UTRN: variants seen among roughly 807,000 people sequenced by gnomAD.
UTRN encodes the protein dystrophin-related protein 1.
A neutral mutation model predicts 463.9 loss-of-function variants in UTRN; 283 were observed. The ratio of observed to expected loss-of-function variants is 0.61; its 90% CI spans 0.55 to 0.67. UTRN has a LOEUF of 0.67. UTRN is among the 30% of genes least tolerant of loss of function. UTRN has a pLI of 0.00. For synonymous variants in UTRN, 1,442 were observed against 1,431.5 expected (o/e 1.01, Z -0.17); for missense variants, 3,922 against 4,084.3 (o/e 0.96, Z 1.08).
chr6:144,368,447 G>A (rs1252895195), intron 2 of UTRN, among the ~76,000 whole-genome samples: 1 of 152,066 alleles, frequency 6.6e-6, no homozygotes, highest in Non-Finnish European at 1.5e-5. Flanking sequence ...TTTGGCCTTA[G>A]GAAAGAGAAA....
chr6:144,347,837 G>GTTTTTTTTTTGTTTTTTT (rs1777720200), intron 2 of UTRN, among the ~76,000 whole-genome samples: 2 of 128,902 alleles, frequency 1.6e-5, no homozygotes, highest in African/African-American at 6.8e-5. Context: ...CTTATTCTTT[G>GTTTTTTTTTTGTTTTTTT]TTTTTTTTTT....
chr6:144,662,042 C>T (rs747014675), intron 51 of UTRN, among the ~76,000 whole-genome samples: 2 of 151,814 alleles, frequency 1.3e-5, no homozygotes, highest in African/African-American at 4.8e-5. Context: ...AGACAAAAGG[C>T]GAACTCAAAG....
At chr6:144,743,231 C>A (rs369215439) in intron 54 of UTRN, among the ~76,000 whole-genome samples, 2 of 151,996 alleles carry the variant, frequency 1.3e-5, no homozygotes, top group East Asian at 3.8e-4. Context: ...GGCTTTAAAA[C>A]GTAAGTGTAG....
chr6:144,384,934 T>TA (rs972771120), intron 2 of UTRN, among the ~76,000 whole-genome samples: 7 of 152,296 alleles, frequency 4.6e-5, no homozygotes, highest in Non-Finnish European at 1.0e-4. Context: ...ATATGCTTTT[T>TA]ACTCAGATCC....
At chr6:144,774,458 C>T in intron 60 of UTRN, 94 bp downstream of exon 60, 2 of 1,122,924 alleles carry the variant, frequency 1.8e-6, no homozygotes, top group African/African-American at 1.6e-5. Flanking sequence ...GGAGTGTTTG[C>T]CAAGTTAATC....
At chr6:144,491,860 A>G (rs1343550969) in intron 32 of UTRN, among the ~76,000 whole-genome samples, 2 of 152,200 alleles carry the variant, frequency 1.3e-5, no homozygotes, top group African/African-American at 2.4e-5. Flanking sequence ...GGTCTGTTAC[A>G]TGACAGCGTC....
rs188857661 is a variant in UTRN at position 144,537,139 on chromosome 6, C to T, written c.6234-443C>T. 8.5e-5 allele frequency among the ~76,000 whole-genome samples: 13 copies of T among 152,070 alleles called. No individual in the cohort carries two copies. In the East Asian group the frequency reaches 1.9e-3, roughly 23 times the overall value. On this transcript the variant is annotated intron_variant, in intron 43 of 74. Coordinates refer to ENST00000367545, the MANE Select transcript of UTRN (RefSeq NM_007124.3). ...ATGAATAAAGCAGAGTAATAGTTACCACCTAATGTGATAACATGTCATATA... is the reference window on the plus strand; with the variant it reads ...ATGAATAAAGCAGAGTAATAGTTACTACCTAATGTGATAACATGTCATATA...
chr6:144,393,085 G>GAA, intron 2 of UTRN, among the ~76,000 whole-genome samples: 1 of 152,110 alleles, frequency 6.6e-6, no homozygotes. Context: ...CTTAGAAAGA[G>GAA]AATTCTGAAG....
intron 52 of UTRN, among the ~76,000 whole-genome samples, chr6:144,678,850 G>C (rs763952487): frequency 2.6e-5 from 4 of 152,072 alleles, no homozygotes; most frequent in Non-Finnish European, 4.4e-5. Context: ...AGCAACATCT[G>C]CTAATTACTG....
chr6:144,715,683 CT>C, intron 53 of UTRN, among the ~76,000 whole-genome samples: 1 of 129,726 alleles, frequency 7.7e-6, no homozygotes, highest in African/African-American at 4.0e-5. Context: ...CTCTCTCATT[CT>C]CTCTCTCTTC....
rs755491914 is a variant in UTRN, at chr6:144,774,297, G to T, written c.8565G>T (p.Leu2855=). The stretch of plus-strand genomic sequence containing the variant: ...TTTCTTTTTCTATTTCAGCTGACCT[G>T]AATAATGTACGTTTTTCTGCCTACC... The part of the protein sequence containing the change: ...MTELFQSLAD[L]NNVRFSAYRT... Residue 2855 remains leucine (L), a synonymous_variant, in exon 60 of 75, where the codon CTG becomes CTT. Transcript: ENST00000367545. 2.5e-6 allele frequency: 4 copies of T among 1,601,904 alleles called. No homozygotes were observed. Among genetic ancestry groups the T allele is most frequent in the South Asian group, 2.3e-5 (2 of 87,618 alleles).
At chr6:144,484,939 G>C (rs997756148) in intron 27 of UTRN, among the ~76,000 whole-genome samples, 2 of 151,756 alleles carry the variant, frequency 1.3e-5, no homozygotes, top group Non-Finnish European at 1.5e-5. Context: ...ATTTGAGATG[G>C]AGTCTTGCTC....
chr6:144,326,773 A>C (rs2114596224), intron 2 of UTRN, among the ~76,000 whole-genome samples: 2 of 152,228 alleles, frequency 1.3e-5, no homozygotes, highest in South Asian at 4.2e-4. Context: ...ACGGACCCTC[A>C]CAGAATCTTA....
rs762894766 is a variant in UTRN at position 144,533,136 on chromosome 6, C to T, written c.6109C>T (p.Arg2037Ter). ...CCAGCCCAGTTTTGCAGCACTAAAC[C>T]GAACTGGGGATGGGATTGTGCAGAA... The part of the protein sequence containing the change: ...SHQPSFAALN[R>*]TGDGIVQKLS... The change falls in exon 43 of 75, where the codon CGA becomes TGA. Residue 2037 changes from arginine (R) to a stop codon, truncating the protein, a stop_gained. Transcript: ENST00000367545. LOFTEE classifies it high-confidence loss of function. The T allele has an allele frequency of 2.5e-6, 4 of 1,613,796 alleles. No individual in the cohort carries two copies. The highest frequency in any genetic ancestry group is 1.3e-5 in the African/African-American group (1 of 74,876).
At chr6:144,550,540 A>G (rs568679120) in intron 47 of UTRN, among the ~76,000 whole-genome samples, 1 of 152,274 alleles carries the variant, frequency 6.6e-6, no homozygotes, top group South Asian at 2.1e-4. Context: ...TGTCACCCCC[A>G]ACCCTATGAC....
intron 57 of UTRN, among the ~76,000 whole-genome samples, chr6:144,755,210 A>G (rs1312659188): frequency 1.3e-5 from 2 of 152,192 alleles, no homozygotes; most frequent in African/African-American, 4.8e-5. Flanking sequence ...AGTAAAAAAA[A>G]TCACTCCCCA....
intron 51 of UTRN, among the ~76,000 whole-genome samples, chr6:144,604,539 G>A (rs984167470): frequency 6.6e-6 from 1 of 152,000 alleles, no homozygotes; most frequent in Admixed American, 6.6e-5. Flanking sequence ...TGAAGAAGTT[G>A]TCTTTTTCTG....
In UTRN at chr6:144,405,442, C is replaced by T. The variant is rs142720564; in HGVS notation, c.141+2258C>T. Among the ~76,000 whole-genome samples, 410 of 151,776 alleles carry T rather than the reference C, an allele frequency of 2.7e-3. 1 individual carries two copies. Among genetic ancestry groups the T allele is most frequent in the African/African-American group, 9.3e-3 (384 of 41,268 alleles). On this transcript the variant is annotated intron_variant, in intron 3 of 74. Coordinates refer to ENST00000367545, the MANE Select transcript of UTRN (RefSeq NM_007124.3). ...AACTCTTGCTGAGCTGGGGAAAGAC[C>T]GTATTCATGCCTGGTATTACTAGGT...
intron 3 of UTRN, among the ~76,000 whole-genome samples, chr6:144,420,491 G>T (rs1784737865): frequency 6.6e-6 from 1 of 152,148 alleles, no homozygotes; most frequent in South Asian, 2.1e-4. Context: ...TCACAGACAG[G>T]CAAGGATCTA....
Sources: allele counts gnomAD v4.1 joint callset (sites outside exome capture counted in the v4.1 genomes callset), GRCh38; gene constraint gnomAD v4.1.1; transcripts MANE v1.5; gene names NCBI Gene and HGNC (gene_info 2026-07-23, HGNC 2026-07-21).